The following CAMK4 variants were observed in gnomAD, a reference collection of about 807,000 sequenced individuals.
CAMK4 encodes calcium/calmodulin dependent protein kinase IV.
Under a neutral mutation model 44.9 loss-of-function variants are expected in CAMK4, and 22 were observed. That is an observed-to-expected ratio of 0.49 (90% CI 0.35 to 0.70). The LOEUF (loss-of-function observed/expected upper bound fraction) is 0.70. Among genes scored for constraint, CAMK4 ranks in the 30% least tolerant of loss-of-function variants. The probability of loss-of-function intolerance (pLI) is 0.01; values close to 1 mark genes in which losing one functional copy is unlikely to be tolerated. For missense variants in CAMK4, 498 were observed against 586.8 expected, an observed-to-expected ratio of 0.85 and a Z score of 1.56; for synonymous variants, 218 against 215.4, an observed-to-expected ratio of 1.01 and a Z score of -0.11.
intron 5 of CAMK4, among the ~76,000 whole-genome samples, chr5:111,436,024 C>G (rs1187373555): frequency 6.6e-6 from 1 of 152,066 alleles, no homozygotes; most frequent in East Asian, 1.9e-4. Flanking sequence ...CTGTTTATAT[C>G]TAGACACCTA....
intron 1 of CAMK4, among the ~76,000 whole-genome samples, chr5:111,288,812 G>T (rs1305159098): frequency 6.6e-6 from 1 of 152,190 alleles, no homozygotes. Context: ...TACTGATCAA[G>T]CTGCTAGTAG....
At chr5:111,226,690 A>T (rs1468806804) in intron 1 of CAMK4, among the ~76,000 whole-genome samples, 1 of 152,254 alleles carries the variant, frequency 6.6e-6, no homozygotes, top group Non-Finnish European at 1.5e-5. Flanking sequence ...ACAATATTCA[A>T]AAAACACTGA....
chr5:111,298,833 C>T (rs373643424), intron 1 of CAMK4, among the ~76,000 whole-genome samples: 6 of 152,354 alleles, frequency 3.9e-5, no homozygotes, highest in South Asian at 2.1e-4. Flanking sequence ...ACCCGTGCCC[C>T]GTTAGGAACA....
intron 5 of CAMK4, among the ~76,000 whole-genome samples, chr5:111,403,639 A>G (rs1752310924): frequency 6.6e-6 from 1 of 152,188 alleles, no homozygotes; most frequent in Admixed American, 6.5e-5. Context: ...GACATAGAAT[A>G]AAGTAGACTA....
chr5:111,333,381 T>C (rs935200943), intron 1 of CAMK4, among the ~76,000 whole-genome samples: 1 of 149,250 alleles, frequency 6.7e-6, no homozygotes, highest in Non-Finnish European at 1.5e-5. Context: ...TACTAATAGC[T>C]AACAATATGA....
chr5:111,368,760 GAC>G (rs905304089), intron 2 of CAMK4, among the ~76,000 whole-genome samples: 3 of 152,026 alleles, frequency 2.0e-5, no homozygotes, highest in Admixed American at 2.0e-4. Context: ...TCTTTGGATT[GAC>G]AGTGTTTTAG....
chr5:111,480,068 G>A (rs542672716), intron 9 of CAMK4, among the ~76,000 whole-genome samples: 2,088 of 151,916 alleles, frequency 0.014, 45 homozygotes, highest in African/African-American at 0.048. Context: ...CTGGTCTGGG[G>A]CCTGCCACTC....
At chr5:111,233,128 C>A (rs1191421826) in intron 1 of CAMK4, among the ~76,000 whole-genome samples, 1 of 152,144 alleles carries the variant, frequency 6.6e-6, no homozygotes, top group African/African-American at 2.4e-5. Context: ...TCAAACGGCT[C>A]CTAGGTCTGG....
intron 1 of CAMK4, among the ~76,000 whole-genome samples, chr5:111,289,065 G>A (rs1335705485): frequency 6.6e-6 from 1 of 152,156 alleles, no homozygotes; most frequent in African/African-American, 2.4e-5. Flanking sequence ...TACAGGCATG[G>A]GCTGGGTGTG....
chr5:111,251,885 G>A (rs1297530610), intron 1 of CAMK4, among the ~76,000 whole-genome samples: 8 of 146,002 alleles, frequency 5.5e-5, no homozygotes, highest in Admixed American at 5.4e-4. Flanking sequence ...TGTGTTTGGG[G>A]TTCACTGACT....
At chr5:111,463,779 C>T (rs925103387) in intron 7 of CAMK4, among the ~76,000 whole-genome samples, 3 of 152,076 alleles carry the variant, frequency 2.0e-5, no homozygotes, top group Non-Finnish European at 4.4e-5. Flanking sequence ...AAGCCACATC[C>T]CTAGAGGAAG....
intron 5 of CAMK4, among the ~76,000 whole-genome samples, chr5:111,415,434 C>G (rs752446447): frequency 7.2e-5 from 11 of 152,070 alleles, no homozygotes; most frequent in Non-Finnish European, 1.3e-4. Flanking sequence ...AGAATGCCAG[C>G]GAGAGCTGTG....
Position 111,466,248 on chromosome 5 carries a change from G to T in CAMK4, c.626-7063G>T, listed in dbSNP as rs10042953. 6.6e-3 allele frequency among the ~76,000 whole-genome samples: 1,007 copies of T among 152,178 alleles called. 11 individuals carry two copies. Among genetic ancestry groups the T allele is most frequent in the African/African-American group, 0.024 (986 of 41,496 alleles). On this transcript the variant is annotated intron_variant, in intron 7 of 10. Coordinates refer to ENST00000282356, the MANE Select transcript of CAMK4 (RefSeq NM_001744.6). ...ACAAACCCAAAGCTAACATAATACC[G>T]AATGGGGAAAAGTTGAAAGCATTCC...
At chr5:111,326,299 A>T (rs1748884985) in intron 1 of CAMK4, among the ~76,000 whole-genome samples, 1 of 152,042 alleles carries the variant, frequency 6.6e-6, no homozygotes, top group Non-Finnish European at 1.5e-5. Context: ...GATATTGAAA[A>T]GATATTATGA....
intron 1 of CAMK4, among the ~76,000 whole-genome samples, chr5:111,269,528 T>C (rs1750408826): frequency 6.6e-6 from 1 of 152,046 alleles, no homozygotes; most frequent in African/African-American, 2.4e-5. Context: ...TTTTTGGAAA[T>C]AGTGGCTGCT....
At chr5:111,443,904 C>T (rs926231409) in intron 5 of CAMK4, among the ~76,000 whole-genome samples, 2 of 152,192 alleles carry the variant, frequency 1.3e-5, no homozygotes, top group South Asian at 2.1e-4. Context: ...GATATTCTAT[C>T]TATCTTCCCC....
chr5:111,379,953 T>C (rs1160260029), intron 4 of CAMK4, among the ~76,000 whole-genome samples: 1 of 152,136 alleles, frequency 6.6e-6, no homozygotes, highest in Non-Finnish European at 1.5e-5. Flanking sequence ...CCATGATTTG[T>C]TGTGCCCAGG....
At chr5:111,251,815 T>C (rs1749507887) in intron 1 of CAMK4, among the ~76,000 whole-genome samples, 1 of 152,234 alleles carries the variant, frequency 6.6e-6, no homozygotes, top group African/African-American at 2.4e-5. Context: ...ACAAGGTACA[T>C]TGAGGAAATC....
chr5:111,386,665 T>G (rs1309310822), intron 4 of CAMK4, among the ~76,000 whole-genome samples: 2 of 152,224 alleles, frequency 1.3e-5, no homozygotes, highest in Non-Finnish European at 2.9e-5. Flanking sequence ...TTTCATCCTA[T>G]AAATTTTAAA....
Sources: allele counts gnomAD v4.1 joint callset (sites outside exome capture counted in the v4.1 genomes callset), GRCh38; gene constraint gnomAD v4.1.1; transcripts MANE v1.5; gene names NCBI Gene and HGNC (gene_info 2026-07-23, HGNC 2026-07-21).